The following LRRTM4 variants were observed in gnomAD, a reference collection of about 807,000 sequenced individuals.
LRRTM4 encodes leucine rich repeat transmembrane neuronal 4, also known as leucine-rich repeat transmembrane neuronal protein 4.
A neutral mutation model predicts 47.6 loss-of-function variants in LRRTM4; 25 were observed. The ratio of observed to expected loss-of-function variants is 0.53; its 90% CI spans 0.38 to 0.73. The LOEUF is 0.73. Ranked by LOEUF, LRRTM4 falls within the 30% of genes least tolerant of loss-of-function variation. LRRTM4 has a pLI of 0.00. For missense variants in LRRTM4, 638 were observed against 713.4 expected, an observed-to-expected ratio of 0.89 and a Z score of 1.20; for synonymous variants, 311 against 269.5, an observed-to-expected ratio of 1.15 and a Z score of -1.51.
chr2:76,780,381 A>T (rs560285252), intron 3 of LRRTM4, among the ~76,000 whole-genome samples: 1,896 of 152,196 alleles, frequency 0.012, 43 homozygotes, highest in African/African-American at 0.042. Context: ...CATTCTCCCC[A>T]TCACTTTCAG....
chr2:77,440,093 C>G (rs1450771246), intron 3 of LRRTM4, among the ~76,000 whole-genome samples: 1 of 152,066 alleles, frequency 6.6e-6, no homozygotes, highest in South Asian at 2.1e-4. Flanking sequence ...ATTGAGTAAC[C>G]TACGAGTAGG....
intron 3 of LRRTM4, among the ~76,000 whole-genome samples, chr2:77,486,039 T>G (rs1383319295): frequency 6.6e-6 from 1 of 151,958 alleles, no homozygotes; most frequent in African/African-American, 2.4e-5. Context: ...ATGCCCAGCC[T>G]AAAAAAAATT....
intron 3 of LRRTM4, among the ~76,000 whole-genome samples, chr2:77,309,689 A>AGAT (rs1017475298): frequency 1.8e-5 from 1 of 54,834 alleles, no homozygotes; most frequent in African/African-American, 7.8e-5. Context: ...GATGATAGAT[A>AGAT]GATAGATAGA....
At chr2:77,240,650 T>C (rs550544949) in intron 3 of LRRTM4, among the ~76,000 whole-genome samples, 62 of 152,120 alleles carry the variant, frequency 4.1e-4, no homozygotes, top group South Asian at 1.2e-3. Context: ...CATAATTGTC[T>C]ATGTTAAAAA....
At chr2:77,365,451 T>G (rs968616130) in intron 3 of LRRTM4, among the ~76,000 whole-genome samples, 2 of 151,976 alleles carry the variant, frequency 1.3e-5, no homozygotes, top group African/African-American at 4.8e-5. Context: ...CTTATGGTTT[T>G]CTTTTGGCAT....
At chr2:77,443,073 AG>A (rs1489440980) in intron 3 of LRRTM4, among the ~76,000 whole-genome samples, 1 of 152,134 alleles carries the variant, frequency 6.6e-6, no homozygotes, top group Non-Finnish European at 1.5e-5. Context: ...GTGTCATGAC[AG>A]ATTGTGGCTG....
chr2:77,157,825 C>T (rs900636839), intron 3 of LRRTM4, among the ~76,000 whole-genome samples: 17 of 152,100 alleles, frequency 1.1e-4, no homozygotes, highest in African/African-American at 4.1e-4. Context: ...TTGCAGGAAA[C>T]TCAGGGACAG....
intron 3 of LRRTM4, among the ~76,000 whole-genome samples, chr2:77,256,189 T>C (rs1203757232): frequency 6.6e-6 from 1 of 152,080 alleles, no homozygotes; most frequent in Non-Finnish European, 1.5e-5. Context: ...AATGGACCAA[T>C]TATTGAAAGC....
chr2:76,804,033 G>T (rs2103785215), intron 3 of LRRTM4, among the ~76,000 whole-genome samples: 1 of 152,236 alleles, frequency 6.6e-6, no homozygotes, highest in African/African-American at 2.4e-5. Context: ...GTTACTCTGG[G>T]ACAGCCTCTT....
intron 3 of LRRTM4, among the ~76,000 whole-genome samples, chr2:77,094,620 C>G (rs1670756641): frequency 6.6e-6 from 1 of 152,220 alleles, no homozygotes; most frequent in African/African-American, 2.4e-5. Context: ...CAGAAATAAA[C>G]AAACCCAAGT....
rs1558668188 is a variant in LRRTM4, at chr2:76,807,933, CT to C, written c.1552-59018del. Among the ~76,000 whole-genome samples, 395 of 124,684 alleles carry C rather than the reference CT, an allele frequency of 3.2e-3. 1 individual carries two copies. The highest frequency in any genetic ancestry group is 0.012 in the African/African-American group (372 of 30,844). The allele number at this position is 124,684 out of a possible 152,430, so 81.8% of individuals were successfully genotyped here. The stretch of plus-strand genomic sequence containing the variant: ...TCTTTTCTTTCCTTTCTTTCCTTTC[CT>C]TTCTTTCTTTCTTTCTTTCTTTTTC... On this transcript the variant is annotated intron_variant, in intron 3 of 3. Transcript: ENST00000409884.
At chr2:77,462,680 G>T (rs1258416786) in intron 3 of LRRTM4, among the ~76,000 whole-genome samples, 2 of 152,078 alleles carry the variant, frequency 1.3e-5, no homozygotes, top group Non-Finnish European at 2.9e-5. Flanking sequence ...GATATTGCTG[G>T]ATTCACAAAT....
At chr2:76,902,676 A>G (rs1301091846) in intron 3 of LRRTM4, among the ~76,000 whole-genome samples, 2 of 152,204 alleles carry the variant, frequency 1.3e-5, no homozygotes, top group Admixed American at 6.5e-5. Context: ...GTACATTAGT[A>G]AATTTTGCCT....
chr2:77,015,035 T>C (rs553465072), intron 3 of LRRTM4, among the ~76,000 whole-genome samples: 1 of 152,252 alleles, frequency 6.6e-6, no homozygotes, highest in East Asian at 1.9e-4. Flanking sequence ...CCATAGTCAG[T>C]TGATGGGGAG....
chr2:77,398,748 G>A (rs1311700138), intron 3 of LRRTM4, among the ~76,000 whole-genome samples: 1 of 151,798 alleles, frequency 6.6e-6, no homozygotes, highest in Admixed American at 6.6e-5. Context: ...GTACCTGACA[G>A]CAATAATTTA....
intron 3 of LRRTM4, among the ~76,000 whole-genome samples, chr2:77,218,510 A>C (rs1342130044): frequency 6.8e-6 from 1 of 146,800 alleles, no homozygotes; most frequent in Non-Finnish European, 1.5e-5. Flanking sequence ...TGCTTTATTT[A>C]TTTATTTATT....
At chr2:76,969,691 T>C (rs1676154248) in intron 3 of LRRTM4, among the ~76,000 whole-genome samples, 1 of 151,964 alleles carries the variant, frequency 6.6e-6, no homozygotes, top group African/African-American at 2.4e-5. Context: ...GTGATTATGA[T>C]GACGATGATT....
intron 3 of LRRTM4, among the ~76,000 whole-genome samples, chr2:76,809,355 A>G (rs1012448901): frequency 6.6e-6 from 1 of 151,396 alleles, no homozygotes; most frequent in Non-Finnish European, 1.5e-5. Flanking sequence ...CCTCACTCCC[A>G]CTCGCCCCCT....
At chr2:76,840,686 AG>A (rs1312101013) in intron 3 of LRRTM4, among the ~76,000 whole-genome samples, 1 of 152,214 alleles carries the variant, frequency 6.6e-6, no homozygotes, top group African/African-American at 2.4e-5. Flanking sequence ...GTATGAACAT[AG>A]GTAAGAAAAC....
Sources: gnomAD v4.1 joint callset for allele counts (sites outside exome capture counted in the v4.1 genomes callset) on GRCh38, gnomAD v4.1.1 for gene constraint, MANE v1.5 for transcripts, NCBI Gene and HGNC (gene_info 2026-07-23, HGNC 2026-07-21) for gene names.